The following MTUS1 variants were observed in gnomAD, a reference collection of about 807,000 sequenced individuals.
MTUS1 encodes the protein microtubule-associated tumor suppressor 1.
Under a neutral mutation model 120.8 loss-of-function variants are expected in MTUS1, and 109 were observed. That is an observed-to-expected ratio of 0.90 (90% CI 0.77 to 1.06). The LOEUF (loss-of-function observed/expected upper bound fraction) is 1.06, where lower values mean the gene tolerates loss of function less well. Among genes scored for constraint, MTUS1 ranks in the 50% least tolerant of loss-of-function variants. The pLI is 0.00. For synonymous variants in MTUS1, 737 were observed against 550.5 expected, an observed-to-expected ratio of 1.34 and a Z score of -4.74; for missense variants, 2,210 against 1,486.3, an observed-to-expected ratio of 1.49 and a Z score of -8.01.
chr8:17,703,992 A>G (rs1159206789), intron 6 of MTUS1: 1 of 152,630 alleles, frequency 6.6e-6, no homozygotes, highest in Non-Finnish European at 1.5e-5. Context: ...TTAGGTGGAC[A>G]TCACGGACCT....
At chr8:17,686,561 A>C (rs1218020398) in intron 6 of MTUS1, among the ~76,000 whole-genome samples, 3 of 152,170 alleles carry the variant, frequency 2.0e-5, no homozygotes, top group Non-Finnish European at 2.9e-5. Flanking sequence ...TAACTCCTTT[A>C]TCATTTCCTG....
chr8:17,692,620 G>A (rs1817176889), intron 6 of MTUS1, among the ~76,000 whole-genome samples: 2 of 152,074 alleles, frequency 1.3e-5, no homozygotes, highest in African/African-American at 4.8e-5. Flanking sequence ...TCTTTAAAAC[G>A]GTTCTCTTCA....
chr8:17,663,941 C>CT (rs1431976482), intron 8 of MTUS1: 1 of 152,228 alleles, frequency 6.6e-6, no homozygotes. Flanking sequence ...TTATTAGTCC[C>CT]TTCTCTAGAA....
chr8:17,702,533 T>C (rs563054562), intron 6 of MTUS1, among the ~76,000 whole-genome samples: 30 of 152,288 alleles, frequency 2.0e-4, no homozygotes, highest in African/African-American at 5.5e-4. Context: ...CCTTGTACCA[T>C]TGAACATCAA....
rs1296619836 is a variant in MTUS1 at position 17,796,450 on chromosome 8, C to G, written c.-155+4611G>C. On this transcript the variant is annotated intron_variant, in intron 1 of 14. Coordinates refer to ENST00000693296, the MANE Select transcript of MTUS1 (RefSeq NM_001363059.2). ...GCTATTTACTTAAGTGAAGCACTTC[C>G]AAGTTCGACCTTGTTCACACTCTAA... 2.6e-5 allele frequency among the ~76,000 whole-genome samples: 4 copies of G among 152,298 alleles called. No homozygotes were observed. In the East Asian group the frequency reaches 5.8e-4, roughly 22 times the overall value.
At chr8:17,709,197 C>T (rs1820778298) in intron 6 of MTUS1, among the ~76,000 whole-genome samples, 1 of 151,898 alleles carries the variant, frequency 6.6e-6, no homozygotes, top group African/African-American at 2.4e-5. Context: ...GCTTATTACA[C>T]TGAGGAAACT....
At chr8:17,692,056 A>C (rs1483678730) in intron 6 of MTUS1, 1 of 152,220 alleles carries the variant, frequency 6.6e-6, no homozygotes, top group Non-Finnish European at 1.5e-5. Context: ...AATAGAGAAA[A>C]AATAGCAAGG....
At chr8:17,732,109 T>C (rs1329946416) in intron 3 of MTUS1, among the ~76,000 whole-genome samples, 1 of 152,106 alleles carries the variant, frequency 6.6e-6, no homozygotes, top group Non-Finnish European at 1.5e-5. Context: ...TCACAGGAAG[T>C]GGTGGGATGC....
rs435289 is a variant in MTUS1, at chr8:17,723,895, T to C, written c.2288-62A>G. ...ATTCATCCCGAAAGCTGGCACTTTT[T>C]AAGCCTGTAAACTCAAACTTCTGCA... is the stretch of plus-strand genomic sequence containing the variant. On this transcript the variant is annotated intron_variant, in intron 3 of 14. Coordinates refer to ENST00000693296, the MANE Select transcript of MTUS1 (RefSeq NM_001363059.2). 11,594 of 1,408,370 alleles carry C rather than the reference T, an allele frequency of 8.2e-3. 735 individuals carry two copies. The African/African-American group carries it at 0.14, about 16-fold the overall frequency. 87.2% of individuals were successfully genotyped at this position (1,408,370 alleles called of 1,614,324 possible).
Position 17,725,978 on chromosome 8 carries a change from A to T in MTUS1, c.2288-2145T>A, listed in dbSNP as rs1484543473. Among the ~76,000 whole-genome samples, 7 of 152,102 alleles carry T rather than the reference A, an allele frequency of 4.6e-5. No homozygotes were observed. The East Asian group carries it at 1.4e-3, about 29-fold the overall frequency. On this transcript the variant is annotated intron_variant, in intron 3 of 14. Coordinates refer to ENST00000693296, the MANE Select transcript of MTUS1 (RefSeq NM_001363059.2). ...GGCAATGTGGGGTTGATCCCTACCC[A>T]CTTCTTCCCCCTCAGGCCATGCCTC...
At chr8:17,701,427 A>G (rs1819056262) in intron 6 of MTUS1, among the ~76,000 whole-genome samples, 1 of 152,246 alleles carries the variant, frequency 6.6e-6, no homozygotes, top group Non-Finnish European at 1.5e-5. Flanking sequence ...ATAAGCTCTC[A>G]AAGAACAGTG....
intron 3 of MTUS1, among the ~76,000 whole-genome samples, chr8:17,736,407 G>A (rs1004327857): frequency 7.2e-5 from 11 of 151,918 alleles, no homozygotes; most frequent in African/African-American, 2.2e-4. Flanking sequence ...GCCTCACCTC[G>A]GGGTCTCTGC....
chr8:17,670,488 G>T (rs549668865), intron 8 of MTUS1, among the ~76,000 whole-genome samples: 1 of 152,198 alleles, frequency 6.6e-6, no homozygotes, highest in East Asian at 1.9e-4. Context: ...ACACTATGAG[G>T]CAATGTGGAA....
At chr8:17,720,959 GC>G (rs2045793049) in intron 4 of MTUS1, among the ~76,000 whole-genome samples, 1 of 152,058 alleles carries the variant, frequency 6.6e-6, no homozygotes, top group Non-Finnish European at 1.5e-5. Context: ...ACAATTTATT[GC>G]CTTACGTATT....
At chr8:17,783,690 G>A (rs370865683) in intron 1 of MTUS1, among the ~76,000 whole-genome samples, 27 of 152,266 alleles carry the variant, frequency 1.8e-4, no homozygotes, top group African/African-American at 6.5e-4. Context: ...CCAAGGGCCT[G>A]ACAGCCTATT....
rs1047024381 is a variant in MTUS1, at chr8:17,715,593, C to A, written c.2584+174G>T. ...AATGATTTTTAACTATAGAACCTAC[C>A]AACTGTCAGAAAAACAATTTCCTCA... On this transcript the variant is annotated intron_variant, in intron 5 of 14. Transcript: ENST00000693296. Among the ~76,000 whole-genome samples the A allele has an allele frequency of 9.2e-5, 14 of 152,280 alleles. No individual in the cohort carries two copies. The East Asian group carries it at 2.3e-3, about 25-fold the overall frequency.
At position 17,755,788 on chromosome 8, in the gene MTUS1, T is replaced by C. The variant is rs764118285; in HGVS notation, c.20A>G (p.Asp7Gly). The change falls in exon 2 of 15, where the codon GAT becomes GGT. Residue 7 changes from aspartate to glycine, a missense_variant. Transcript: ENST00000693296. The part of the protein sequence containing the change: MTDDNS[D>G]DKIEDELQTF... Reference sequence around the variant, plus strand: ...TTGCAATTCATCTTCTATTTTATCATCTGAATTATCATCAGTCATCCTGAA... The same window carrying C: ...TTGCAATTCATCTTCTATTTTATCACCTGAATTATCATCAGTCATCCTGAA... 5 of 1,613,294 alleles carry C rather than the reference T, an allele frequency of 3.1e-6. No homozygotes were observed. The highest frequency in any genetic ancestry group is 2.2e-5 in the East Asian group (1 of 44,880).
At position 17,649,922 on chromosome 8, in the gene MTUS1, C is replaced by T; in HGVS notation, c.3425G>A (p.Ser1142Asn). ...CTTGATCTCTAACACAGCTTTCAGG[C>T]TTTCTAACTCCTGTTCTAGATACAT... The part of the protein sequence containing the change: ...QIMYLEQELE[S>N]LKAVLEIKNE... The change falls in exon 13 of 15, where the codon AGC (serine) becomes AAC (asparagine). Residue 1142 changes from serine to asparagine, a missense_variant. By Grantham distance (46) the Ser-to-Asn change is conservative. Coordinates refer to ENST00000693296, the MANE Select transcript of MTUS1 (RefSeq NM_001363059.2). 6.2e-7 allele frequency: 1 copy of T among 1,611,266 alleles called. No homozygotes were observed. Among genetic ancestry groups the T allele is most frequent in the Non-Finnish European group, 8.5e-7 (1 of 1,177,626 alleles).
chr8:17,762,729 T>A (rs2049139535), intron 1 of MTUS1, among the ~76,000 whole-genome samples: 1 of 152,236 alleles, frequency 6.6e-6, no homozygotes. Context: ...ATTACATCCT[T>A]TTATTCTGAA....
Sources: allele counts gnomAD v4.1 joint callset (sites outside exome capture counted in the v4.1 genomes callset), GRCh38; gene constraint gnomAD v4.1.1; transcripts MANE v1.5; gene names NCBI Gene and HGNC (gene_info 2026-07-23, HGNC 2026-07-21).